The following ICAM1 variants were observed in gnomAD, a reference collection of about 807,000 sequenced individuals.
ICAM1 encodes ICAM-1.
ICAM1 carries 28 observed loss-of-function variants against 42.3 expected under a neutral mutation model. That is an observed-to-expected ratio of 0.66 (90% CI 0.49 to 0.91). ICAM1 has a LOEUF of 0.91. Ranked by LOEUF, ICAM1 falls within the 40% of genes least tolerant of loss-of-function variation. The pLI, the probability that ICAM1 is intolerant of heterozygous loss-of-function variation, is 0.00. For missense variants in ICAM1, 637 were observed against 688.6 expected, an observed-to-expected ratio of 0.93 and a Z score of 0.84; for synonymous variants, 304 against 305.9, an observed-to-expected ratio of 0.99 and a Z score of 0.07.
chr19:10,283,675 A>T lies in ICAM1; in HGVS notation c.526A>T (p.Arg176Trp). The T allele has an allele frequency of 6.2e-7, 1 of 1,614,012 alleles. No individual in the cohort carries two copies. The highest frequency in any genetic ancestry group is 8.5e-7 in the Non-Finnish European group (1 of 1,179,960). The change falls in exon 3 of 7, where the codon AGG becomes TGG. Residue 176 changes from arginine to tryptophan, a missense_variant. By Grantham distance (101) the Arg-to-Trp change is moderately radical. Coordinates refer to ENST00000264832, the MANE Select transcript of ICAM1 (RefSeq NM_000201.3). The stretch of plus-strand genomic sequence containing the variant: ...TGAGGTCACGACCACGGTGCTGGTG[A>T]GGAGAGATCACCATGGAGCCAATTT... Reference protein sequence around the residue: ...PAEVTTTVLVRRDHHGANFSC... With the variant: ...PAEVTTTVLVWRDHHGANFSC...
At position 10,283,761 on chromosome 19, in the gene ICAM1, G is replaced by C. The variant is rs887327445; in HGVS notation, c.612G>C (p.Ser204=). 4 of 1,609,768 alleles carry C rather than the reference G, an allele frequency of 2.5e-6. No homozygotes were observed. The highest frequency in any genetic ancestry group is 3.4e-6 in the Non-Finnish European group (4 of 1,177,898). The change falls in exon 3 of 7, where the codon TCG becomes TCC. Residue 204 remains serine, a synonymous_variant. Coordinates refer to ENST00000264832, the MANE Select transcript of ICAM1 (RefSeq NM_000201.3). ...GGCTGGAGCTGTTTGAGAACACCTC[G>C]GCCCCCTACCAGCTCCAGACCTTTG... ...PQGLELFENT[S]APYQLQTFVL...
Position 10,274,921 on chromosome 19 carries a change from A to G in ICAM1, c.224A>G (p.Asn75Ser), listed in dbSNP as rs1371251341. 2.5e-6 allele frequency: 4 copies of G among 1,614,246 alleles called. No homozygotes were observed. The highest frequency in any genetic ancestry group is 2.2e-5 in the East Asian group (1 of 44,884). Residue 75 changes from asparagine to serine, a missense_variant, in exon 2 of 7, where the codon AAC becomes AGC. Coordinates refer to ENST00000264832, the MANE Select transcript of ICAM1 (RefSeq NM_000201.3). ...AAGGAGTTGCTCCTGCCTGGGAACA[A>G]CCGGAAGGTGTATGAACTGAGCAAT... Reference protein sequence around the residue: ...PKKELLLPGNNRKVYELSNVQ... With the variant: ...PKKELLLPGNSRKVYELSNVQ...
rs1053511706 is a variant in ICAM1 at position 10,283,750 on chromosome 19, G to A, written c.601G>A (p.Glu201Lys). Residue 201 changes from glutamate (E) to lysine (K), a missense_variant, in exon 3 of 7, where the codon GAG becomes AAG. Glu to Lys is a moderately conservative substitution (Grantham distance 56). Transcript: ENST00000264832. ...GCGGCCCCAAGGGCTGGAGCTGTTT[G>A]AGAACACCTCGGCCCCCTACCAGCT... ...DLRPQGLELF[E>K]NTSAPYQLQT... 6 of 1,612,286 alleles carry A rather than the reference G, an allele frequency of 3.7e-6. No homozygotes were observed. The highest frequency in any genetic ancestry group is 2.7e-5 in the African/African-American group (2 of 75,016).
At chr19:10,279,846 CAGAG>C (rs774504179) in intron 2 of ICAM1, among the ~76,000 whole-genome samples, 4 of 145,140 alleles carry the variant, frequency 2.8e-5, no homozygotes, top group Non-Finnish European at 6.0e-5. Context: ...GCCCAGGTGA[CAGAG>C]AGAGACACTG....
At chr19:10,277,158 G>T (rs1599266177) in intron 2 of ICAM1, among the ~76,000 whole-genome samples, 1 of 152,084 alleles carries the variant, frequency 6.6e-6, no homozygotes, top group Admixed American at 6.6e-5. Context: ...GTGGGAGAGG[G>T]CTTGGGTGTG....
chr19:10,277,081 A>G (rs1191757523), intron 2 of ICAM1, among the ~76,000 whole-genome samples: 1 of 152,214 alleles, frequency 6.6e-6, no homozygotes, highest in Non-Finnish European at 1.5e-5. Flanking sequence ...TATGTATAAA[A>G]TAGCCCTAAA....
intron 2 of ICAM1, among the ~76,000 whole-genome samples, chr19:10,279,649 AT>A (rs1388410838): frequency 6.6e-6 from 1 of 151,650 alleles, no homozygotes. Flanking sequence ...TGCCCAGCTA[AT>A]TTTTTTGTAT....
intron 2 of ICAM1, among the ~76,000 whole-genome samples, chr19:10,280,061 G>A (rs1032259975): frequency 5.3e-5 from 8 of 152,126 alleles, no homozygotes; most frequent in Non-Finnish European, 1.0e-4. Context: ...CCTTGTCCAC[G>A]CGGCCCATGT....
At position 10,284,597 on chromosome 19, in the gene ICAM1, AC is replaced by A; in HGVS notation, c.1123del (p.Leu375TrpfsTer58). On this transcript the variant is annotated frameshift_variant, in exon 5 of 7. Coordinates refer to ENST00000264832, the MANE Select transcript of ICAM1 (RefSeq NM_000201.3). LOFTEE classifies it high-confidence loss of function. The surrounding 1 kb of genome is among the most constrained non-coding windows in gnomAD (Gnocchi z 5.4). ...DNGRSFSCSA[T>X]LEVAGQLIHK... ...CGGGCGCAGCTTCTCCTGCTCTGCA[AC>A]CCTGGAGGTGGCCGGCCAGCTTATA... 6.2e-7 allele frequency: 1 copy of A among 1,614,096 alleles called. No homozygotes were observed. Among genetic ancestry groups the A allele is most frequent in the Non-Finnish European group, 8.5e-7 (1 of 1,180,012 alleles).
rs1330310529 is a variant in ICAM1, at chr19:10,286,545, TTC to T, written c.*1259_*1260del. The T allele has an allele frequency of 1.4e-4, 22 of 159,504 alleles. No individual in the cohort carries two copies. The highest frequency in any genetic ancestry group is 2.8e-3 in the Middle Eastern group (1 of 358). 9.9% of individuals were successfully genotyped at this position (159,504 alleles called of 1,614,324 possible). A position where few individuals can be genotyped will look rare whatever the true frequency, so the allele number is the denominator to read the frequency against. The stretch of plus-strand genomic sequence containing the variant: ...CTGGCAAATTTGATTTTTTTTTTTT[TTC>T]CAGAGACGGGGTCTCGCAACATTGC... On this transcript the variant is annotated 3_prime_UTR_variant, in exon 7 of 7. Transcript: ENST00000264832.
In ICAM1 at chr19:10,283,749, T is replaced by C; in HGVS notation, c.600T>C (p.Phe200=). Residue 200 remains phenylalanine, a synonymous_variant, in exon 3 of 7, where the codon TTT becomes TTC. Transcript: ENST00000264832. ...TGCGGCCCCAAGGGCTGGAGCTGTT[T>C]GAGAACACCTCGGCCCCCTACCAGC... ...LDLRPQGLEL[F]ENTSAPYQLQ... 6.2e-7 allele frequency: 1 copy of C among 1,612,008 alleles called. No homozygotes were observed. The highest frequency in any genetic ancestry group is 8.5e-7 in the Non-Finnish European group (1 of 1,179,128).
chr19:10,279,782 TCAAGCC>T (rs912107858), intron 2 of ICAM1, among the ~76,000 whole-genome samples: 6 of 151,376 alleles, frequency 4.0e-5, no homozygotes, highest in African/African-American at 1.5e-4. Context: ...CTGAGCCTGG[TCAAGCC>T]CAGGAATTTG....
intron 2 of ICAM1, among the ~76,000 whole-genome samples, chr19:10,281,097 T>A (rs1328235742): frequency 3.3e-5 from 5 of 151,446 alleles, no homozygotes; most frequent in Non-Finnish European, 7.4e-5. Flanking sequence ...ATGGTCTTGA[T>A]CTCCTGACCT....
rs113559131 is a variant in ICAM1, at chr19:10,276,105, G to T, written c.331+1077G>T. ...GCTGCTCCTGAGGCTGTGATGGGAG[G>T]ATTGCTTTAACCCAGGGGTTCGAAT... On this transcript the variant is annotated intron_variant, in intron 2 of 6. Transcript: ENST00000264832. Among the ~76,000 whole-genome samples the T allele has an allele frequency of 7.0e-3, 1,066 of 151,788 alleles. 10 individuals are homozygous for T. Among genetic ancestry groups the T allele is most frequent in the African/African-American group, 0.024 (1,004 of 41,374 alleles).
intron 2 of ICAM1, among the ~76,000 whole-genome samples, chr19:10,278,894 C>T (rs1019075942): frequency 6.6e-6 from 1 of 151,924 alleles, no homozygotes; most frequent in Non-Finnish European, 1.5e-5. Context: ...GGCTCTGCCA[C>T]ATTTCTCCCT....
At chr19:10,271,288 C>T (rs929043681) in intron 1 of ICAM1, 62 bp downstream of exon 1, 4 of 1,466,132 alleles carry the variant, frequency 2.7e-6, no homozygotes, top group East Asian at 2.3e-5. Context: ...GACCGGCTCC[C>T]GGGTCAGGTC....
In ICAM1 at chr19:10,275,022, G is replaced by A. The variant is rs561101249; in HGVS notation, c.325G>A (p.Val109Met). 3 of 1,613,408 alleles carry A rather than the reference G, an allele frequency of 1.9e-6. No individual in the cohort carries two copies. The highest frequency in any genetic ancestry group is 1.7e-5 in the Admixed American group (1 of 60,012). The change falls in exon 2 of 7, where the codon GTG (valine) becomes ATG (methionine). Residue 109 changes from valine to methionine, a missense_variant. Transcript: ENST00000264832. ...GQSTAKTFLTVYWTPERVELA... is the reference protein window; with the variant it reads ...GQSTAKTFLTMYWTPERVELA... ...GTCAACAGCTAAAACCTTCCTCACC[G>A]TGTACTGTGAGTAACTGAGCCCGGA...
chr19:10,276,673 G>A (rs1265022739), intron 2 of ICAM1, among the ~76,000 whole-genome samples: 1 of 150,576 alleles, frequency 6.6e-6, no homozygotes, highest in South Asian at 2.1e-4. Context: ...TTGGGCATCA[G>A]TTCTCAAAAT....
chr19:10,283,828 G>T, intron 3 of ICAM1, 42 bp downstream of exon 3: 1 of 1,529,638 alleles, frequency 6.5e-7, no homozygotes, highest in Non-Finnish European at 8.8e-7. Context: ...TGGGGGTGGG[G>T]TATCCTGCAA....
Sources: allele counts gnomAD v4.1 joint callset (sites outside exome capture counted in the v4.1 genomes callset), GRCh38; gene constraint gnomAD v4.1.1; non-coding constraint Gnocchi (gnomAD v3.1); transcripts MANE v1.5; gene names NCBI Gene and HGNC (gene_info 2026-07-23, HGNC 2026-07-21).